AFF4: variants seen among roughly 807,000 people sequenced by gnomAD.
AFF4 encodes the protein ALF transcription elongation factor 4.
A neutral mutation model predicts 124.8 loss-of-function variants in AFF4; 13 were observed. The observed-to-expected ratio is 0.10, with a 90% CI of 0.07 to 0.17. The LOEUF is 0.17. Ranked by LOEUF, AFF4 falls within the 10% of genes least tolerant of loss-of-function variation. The pLI, the probability that AFF4 is intolerant of heterozygous loss-of-function variation, is 1.00. For missense variants in AFF4, 1,092 were observed against 1,403.8 expected, an observed-to-expected ratio of 0.78 and a Z score of 3.55; for synonymous variants, 477 against 496.1, an observed-to-expected ratio of 0.96 and a Z score of 0.51.
chr5:132,881,789 C>A (rs1467509997), intron 20 of AFF4, among the ~76,000 whole-genome samples: 1 of 151,060 alleles, frequency 6.6e-6, no homozygotes, highest in Non-Finnish European at 1.5e-5. Flanking sequence ...TGGGTTCAAG[C>A]GATTCTGCTG....
At chr5:132,905,669 C>CA (rs1760657037) in intron 5 of AFF4, among the ~76,000 whole-genome samples, 1 of 151,758 alleles carries the variant, frequency 6.6e-6, no homozygotes, top group Non-Finnish European at 1.5e-5. Flanking sequence ...CAAAACAAAA[C>CA]AAAAAACTCA....
Position 132,934,805 on chromosome 5 carries a change from T to A in AFF4, c.260A>T (p.Asp87Val), listed in dbSNP as rs1365266056. The change falls in exon 3 of 21, where the codon GAT becomes GTT. Residue 87 changes from aspartate to valine, a missense_variant. Physicochemically the swap from Asp to Val is radical, Grantham distance 152. Transcript: ENST00000265343. ...IPKPTVPPSA[D>V]EKSNPNFFEQ... ...AAAGAAATTTGGGTTAGATTTTTCA[T>A]CTGCTGATGGTGGTACTGTAGGCTT... The A allele has an allele frequency of 6.2e-7, 1 of 1,614,162 alleles. No homozygotes were observed. Among genetic ancestry groups the A allele is most frequent in the Admixed American group, 1.7e-5 (1 of 60,002 alleles).
At position 132,934,210 on chromosome 5, in the gene AFF4, A is replaced by C. The variant is rs1297855128; in HGVS notation, c.855T>G (p.Thr285=). The C allele has an allele frequency of 6.2e-7, 1 of 1,614,178 alleles. No individual in the cohort carries two copies. The highest frequency in any genetic ancestry group is 8.5e-7 in the Non-Finnish European group (1 of 1,180,030). Residue 285 remains threonine, a synonymous_variant, in exon 3 of 21, where the codon ACT becomes ACG. Coordinates refer to ENST00000265343, the MANE Select transcript of AFF4 (RefSeq NM_014423.4). ...GTGCTTTGCTGCTGGGCTTCAGCTC[A>C]GTCATGCTGTTGCCATGGGATTGGC... ...YSSQSHGNSM[T]ELKPSSKAHL...
intron 1 of AFF4, among the ~76,000 whole-genome samples, chr5:132,938,047 C>G (rs954395314): frequency 6.6e-5 from 10 of 151,492 alleles, no homozygotes; most frequent in Middle Eastern, 3.5e-3. Context: ...CTAGGGATTA[C>G]CAGGGAATCT....
intron 1 of AFF4, among the ~76,000 whole-genome samples, chr5:132,957,186 A>G (rs1761983341): frequency 2.0e-5 from 3 of 150,998 alleles, no homozygotes; most frequent in Admixed American, 1.3e-4. Flanking sequence ...GCAAAAACCA[A>G]AAAATTTAGC....
At chr5:132,888,268 G>A (rs1760166742) in intron 14 of AFF4, 108 bp from the exon 15 acceptor site, 1 of 757,686 alleles carries the variant, frequency 1.3e-6, no homozygotes, top group African/African-American at 1.8e-5. Context: ...CAAAGAAAAT[G>A]AGCTGTTACT....
chr5:132,911,281 C>A (rs1371840869), intron 5 of AFF4, among the ~76,000 whole-genome samples: 6 of 152,134 alleles, frequency 3.9e-5, no homozygotes, highest in Non-Finnish European at 8.8e-5. Flanking sequence ...TACAACTAGT[C>A]TTTTACCCTC....
chr5:132,947,184 C>T lies in AFF4; in HGVS notation c.-4-9991G>A, dbSNP rs185264328. On this transcript the variant is annotated intron_variant, in intron 1 of 20. Coordinates refer to ENST00000265343, the MANE Select transcript of AFF4 (RefSeq NM_014423.4). ...TTTGGGAGACTGAGGCAGTGGATCA[C>T]GTGAGGTCAGGAGTTCAAGACCAGC... Among the ~76,000 whole-genome samples, 423 of 152,236 alleles carry T rather than the reference C, an allele frequency of 2.8e-3. 4 individuals carry two copies. Among genetic ancestry groups the T allele is most frequent in the African/African-American group, 9.6e-3 (400 of 41,536 alleles).
Position 132,880,178 on chromosome 5 carries a change from G to A in AFF4, c.*881C>T. The A allele has an allele frequency of 5.0e-6, 2 of 398,856 alleles. No individual in the cohort carries two copies. Among genetic ancestry groups the A allele is most frequent in the Non-Finnish European group, 4.4e-6 (1 of 225,948 alleles). The allele number at this position is 398,856 out of a possible 1,614,324, so 24.7% of individuals were successfully genotyped here. On this transcript the variant is annotated 3_prime_UTR_variant, in exon 21 of 21. Coordinates refer to ENST00000265343, the MANE Select transcript of AFF4 (RefSeq NM_014423.4). ...GTAACTTATTCTGTTTCGATTAAGTGTCAAATGATTAGCAACAAAAAATAA... is the reference window on the plus strand; with the variant it reads ...GTAACTTATTCTGTTTCGATTAAGTATCAAATGATTAGCAACAAAAAATAA...
At chr5:132,936,922 A>G in intron 2 of AFF4, 145 bp downstream of exon 2, 1 of 1,105,340 alleles carries the variant, frequency 9.0e-7, no homozygotes, top group Non-Finnish European at 1.2e-6. Flanking sequence ...TCCCCAAAAA[A>G]TATCTTCTAT....
At chr5:132,921,462 C>CTTTT (rs759442039) in intron 5 of AFF4, among the ~76,000 whole-genome samples, 4 of 129,530 alleles carry the variant, frequency 3.1e-5, no homozygotes, top group Non-Finnish European at 5.0e-5. Context: ...CAGTTGTTTT[C>CTTTT]TTTTTTTTTT....
rs372765695 is a variant in AFF4 at position 132,934,177 on chromosome 5, G to A, written c.888C>T (p.Thr296=). Residue 296 remains threonine (T), a synonymous_variant, in exon 3 of 21, where the codon ACC becomes ACT. Coordinates refer to ENST00000265343, the MANE Select transcript of AFF4 (RefSeq NM_014423.4). ...ELKPSSKAHL[T]KLKIPSQPLD... is the part of the protein sequence containing the mutation. ...GTGGTTGGGAAGGTATTTTCAGCTT[G>A]GTGAGATGTGCTTTGCTGCTGGGCT... 19 of 1,613,748 alleles carry A rather than the reference G, an allele frequency of 1.2e-5. No individual in the cohort carries two copies. The highest frequency in any genetic ancestry group is 1.4e-5 in the Non-Finnish European group (17 of 1,179,798).
chr5:132,923,346 G>A (rs1001724163), intron 5 of AFF4, among the ~76,000 whole-genome samples: 1 of 147,896 alleles, frequency 6.8e-6, no homozygotes, highest in African/African-American at 2.5e-5. Context: ...GTGAGACCCT[G>A]TCGCAAAGAA....
intron 5 of AFF4, among the ~76,000 whole-genome samples, chr5:132,908,453 CTATACA>C (rs1313606936): frequency 6.6e-6 from 1 of 151,860 alleles, no homozygotes; most frequent in East Asian, 1.9e-4. Context: ...AATTTCAGTC[CTATACA>C]TTAATTATGT....
At chr5:132,960,253 A>G (rs1762053693) in intron 1 of AFF4, among the ~76,000 whole-genome samples, 1 of 152,222 alleles carries the variant, frequency 6.6e-6, no homozygotes, top group Admixed American at 6.5e-5. Context: ...AGGATGCAGG[A>G]GAGCTGGGAA....
chr5:132,947,164 G>A (rs1293706728), intron 1 of AFF4, among the ~76,000 whole-genome samples: 1 of 152,142 alleles, frequency 6.6e-6, no homozygotes, highest in African/African-American at 2.4e-5. Context: ...AGCACTTTGG[G>A]AGACTGAGGC....
intron 5 of AFF4, among the ~76,000 whole-genome samples, chr5:132,912,950 T>C (rs1295158392): frequency 6.6e-6 from 1 of 151,692 alleles, no homozygotes; most frequent in Non-Finnish European, 1.5e-5. Context: ...GTATAAATAA[T>C]CACATTAAAT....
At position 132,934,576 on chromosome 5, in the gene AFF4, G is replaced by A; in HGVS notation, c.489C>T (p.Ser163=). ...RESYNNSGSS[S]RKKGQHGSEH... is the part of the protein sequence containing the mutation. ...CTGATCCATGCTGGCCTTTTTTCCGGCTACTGCTCCCACTATTGTTATATG... is the reference window on the plus strand; with the variant it reads ...CTGATCCATGCTGGCCTTTTTTCCGACTACTGCTCCCACTATTGTTATATG... The change falls in exon 3 of 21, where the codon AGC becomes AGT. Residue 163 remains serine, a synonymous_variant. Transcript: ENST00000265343. The A allele has an allele frequency of 6.2e-7, 1 of 1,614,068 alleles. No individual in the cohort carries two copies. Among genetic ancestry groups the A allele is most frequent in the South Asian group, 1.1e-5 (1 of 91,072 alleles).
chr5:132,923,572 T>C (rs555416294), intron 5 of AFF4, among the ~76,000 whole-genome samples: 38 of 151,886 alleles, frequency 2.5e-4, no homozygotes, highest in African/African-American at 7.7e-4. Flanking sequence ...CCCGTCTCTA[T>C]GTAAGTCTGG....
Sources: gnomAD v4.1 joint callset for allele counts (sites outside exome capture counted in the v4.1 genomes callset) on GRCh38, gnomAD v4.1.1 for gene constraint, MANE v1.5 for transcripts, NCBI Gene and HGNC (gene_info 2026-07-23, HGNC 2026-07-21) for gene names.